Variants in TRIM44 observed in about 807,000 individuals in gnomAD.
TRIM44 encodes tripartite motif containing 44.
In TRIM44, 13 loss-of-function variants were observed where a neutral mutation model predicts 37.4. That is an observed-to-expected ratio of 0.35 (90% CI 0.23 to 0.55). The LOEUF is 0.55. TRIM44 is among the 20% of genes least tolerant of loss of function. The pLI, the probability that TRIM44 is intolerant of heterozygous loss-of-function variation, is 0.89. For synonymous variants in TRIM44, 175 were observed against 157.2 expected (o/e 1.11, Z -0.85); for missense variants, 426 against 437.2 (o/e 0.97, Z 0.23).
intron 4 of TRIM44, among the ~76,000 whole-genome samples, chr11:35,740,874 G>T (rs140582611): frequency 3.3e-4 from 50 of 151,682 alleles, no homozygotes; most frequent in Non-Finnish European, 5.3e-4. Flanking sequence ...AATTTGGTGG[G>T]TTTTTTTTCC....
intron 4 of TRIM44, among the ~76,000 whole-genome samples, chr11:35,758,207 G>T (rs1279622314): frequency 6.6e-6 from 1 of 152,146 alleles, no homozygotes; most frequent in Non-Finnish European, 1.5e-5. Context: ...CGTATATTTA[G>T]GATAGTTAGC....
chr11:35,805,752 G>T (rs188480199), intron 4 of TRIM44, among the ~76,000 whole-genome samples: 1 of 152,152 alleles, frequency 6.6e-6, no homozygotes, highest in South Asian at 2.1e-4. Flanking sequence ...AGAGTAAATC[G>T]TAAACAAATA....
At chr11:35,790,771 G>T (rs1853198775) in intron 4 of TRIM44, among the ~76,000 whole-genome samples, 1 of 152,108 alleles carries the variant, frequency 6.6e-6, no homozygotes, top group Non-Finnish European at 1.5e-5. Context: ...TGAGCTTTTG[G>T]AATATTGAGG....
intron 4 of TRIM44, among the ~76,000 whole-genome samples, chr11:35,805,958 A>G (rs16927950): frequency 0.013 from 1,945 of 152,184 alleles, 46 homozygotes; most frequent in African/African-American, 0.044. Flanking sequence ...TTTCTCTCCT[A>G]ACAGTAGATG....
chr11:35,760,862 G>A (rs1852715753), intron 4 of TRIM44, among the ~76,000 whole-genome samples: 1 of 152,176 alleles, frequency 6.6e-6, no homozygotes, highest in Non-Finnish European at 1.5e-5. Context: ...TCACCATGGT[G>A]TAGTCACCGT....
chr11:35,684,676 A>C (rs909363824), intron 1 of TRIM44, among the ~76,000 whole-genome samples: 3 of 152,116 alleles, frequency 2.0e-5, no homozygotes, highest in Non-Finnish European at 4.4e-5. Context: ...AAAACCTGTG[A>C]GTTTTATGGG....
At chr11:35,705,203 A>G (rs1590524876) in intron 2 of TRIM44, among the ~76,000 whole-genome samples, 1 of 151,524 alleles carries the variant, frequency 6.6e-6, no homozygotes, top group Non-Finnish European at 1.5e-5. Flanking sequence ...ATTCAACAAG[A>G]AGAGCTAACT....
chr11:35,708,626 T>C (rs531037751), intron 2 of TRIM44, among the ~76,000 whole-genome samples: 4 of 151,426 alleles, frequency 2.6e-5, no homozygotes, highest in African/African-American at 7.4e-5. Flanking sequence ...ATGGATGAAA[T>C]TGGAAATCAT....
chr11:35,775,033 G>A (rs555299746), intron 4 of TRIM44, among the ~76,000 whole-genome samples: 37 of 152,246 alleles, frequency 2.4e-4, no homozygotes, highest in Non-Finnish European at 4.4e-4. Flanking sequence ...ATTGGGGATG[G>A]CATTGAATCT....
At chr11:35,744,479 C>T (rs1353648496) in intron 4 of TRIM44, among the ~76,000 whole-genome samples, 17 of 152,032 alleles carry the variant, frequency 1.1e-4, no homozygotes, top group Non-Finnish European at 1.5e-5. Context: ...TTGTCAATAA[C>T]ATTTAAAAAT....
intron 2 of TRIM44, among the ~76,000 whole-genome samples, chr11:35,699,100 A>C (rs891759795): frequency 6.9e-6 from 1 of 144,152 alleles, no homozygotes; most frequent in Non-Finnish European, 1.5e-5. Flanking sequence ...GTTGTAGATT[A>C]GCGGCATTAT....
chr11:35,785,751 T>TA (rs1303964307), intron 4 of TRIM44, among the ~76,000 whole-genome samples: 1 of 152,212 alleles, frequency 6.6e-6, no homozygotes, highest in Non-Finnish European at 1.5e-5. Context: ...GGGGCCTATA[T>TA]AACTGAAGCA....
intron 3 of TRIM44, among the ~76,000 whole-genome samples, chr11:35,733,312 T>G (rs1852287388): frequency 6.6e-6 from 1 of 152,208 alleles, no homozygotes; most frequent in African/African-American, 2.4e-5. Flanking sequence ...GAGGAGGACT[T>G]GCTCTAAATT....
At chr11:35,742,492 A>G (rs1229218138) in intron 4 of TRIM44, among the ~76,000 whole-genome samples, 2 of 134,746 alleles carry the variant, frequency 1.5e-5, no homozygotes, top group Non-Finnish European at 3.1e-5. Context: ...ATTGTATTAT[A>G]TATAATTATA....
chr11:35,756,529 C>T (rs1309898444), intron 4 of TRIM44, among the ~76,000 whole-genome samples: 1 of 152,188 alleles, frequency 6.6e-6, no homozygotes, highest in Non-Finnish European at 1.5e-5. Flanking sequence ...CTGGCCAGAA[C>T]TTCCAACACT....
chr11:35,789,169 A>C (rs1853168466), intron 4 of TRIM44, among the ~76,000 whole-genome samples: 1 of 152,072 alleles, frequency 6.6e-6, no homozygotes, highest in Non-Finnish European at 1.5e-5. Context: ...ATTGCAGTGG[A>C]ATGTTTTAAG....
intron 4 of TRIM44, among the ~76,000 whole-genome samples, chr11:35,778,224 A>T (rs879438991): frequency 1.6e-4 from 24 of 152,098 alleles, no homozygotes; most frequent in Non-Finnish European, 3.4e-4. Context: ...GATCACTGAT[A>T]CCCTTTCTTC....
chr11:35,785,125 C>G (rs1478646721), intron 4 of TRIM44, among the ~76,000 whole-genome samples: 1 of 152,196 alleles, frequency 6.6e-6, no homozygotes, highest in Non-Finnish European at 1.5e-5. Context: ...ACCAAGTATA[C>G]TGCTTGAGGG....
chr11:35,710,237 T>A (rs1851951043), intron 2 of TRIM44, among the ~76,000 whole-genome samples: 1 of 152,184 alleles, frequency 6.6e-6, no homozygotes, highest in East Asian at 1.9e-4. Context: ...ATATTTAGTT[T>A]GCTTTATATA....
Sources: allele counts gnomAD v4.1 joint callset (sites outside exome capture counted in the v4.1 genomes callset), GRCh38; gene constraint gnomAD v4.1.1; transcripts MANE v1.5; gene names NCBI Gene and HGNC (gene_info 2026-07-23, HGNC 2026-07-21).